The following BUB1B variants were observed in gnomAD, a reference collection of about 807,000 sequenced individuals.
The protein encoded by BUB1B is BUB1 mitotic checkpoint serine/threonine kinase B.
In BUB1B, 86 loss-of-function variants were observed where a neutral mutation model predicts 137.7. The observed-to-expected ratio is 0.62, with a 90% confidence interval of 0.52 to 0.75. The LOEUF (loss-of-function observed/expected upper bound fraction) is 0.75, where lower values mean the gene tolerates loss of function less well. BUB1B is among the 30% of genes least tolerant of loss of function. BUB1B has a pLI of 0.00. For synonymous variants in BUB1B, 420 were observed against 417.9 expected (o/e 1.00, Z -0.06); for missense variants, 1,130 against 1,236.9 (o/e 0.91, Z 1.30).
At chr15:40,205,334 A>T (rs1408127910) in intron 14 of BUB1B, among the ~76,000 whole-genome samples, 4 of 152,134 alleles carry the variant, frequency 2.6e-5, no homozygotes, top group African/African-American at 9.7e-5. Flanking sequence ...GTATGTGTCA[A>T]ATTGGTAATG....
intron 21 of BUB1B, 124 bp downstream of exon 21, chr15:40,217,791 A>G (rs2037819170): frequency 1.7e-6 from 2 of 1,174,362 alleles, no homozygotes; most frequent in African/African-American, 1.5e-5. Flanking sequence ...TAGTTTTCAA[A>G]TATCACCAAG....
At chr15:40,165,838 T>C (rs1337118108) in intron 2 of BUB1B, among the ~76,000 whole-genome samples, 1 of 151,776 alleles carries the variant, frequency 6.6e-6, no homozygotes, top group African/African-American at 2.4e-5. Flanking sequence ...ACTATTCTTA[T>C]TCATCTCTTT....
Position 40,220,844 on chromosome 15 carries a change from T to C in BUB1B, c.*85T>C. 7.1e-7 allele frequency: 1 copy of C among 1,412,436 alleles called. No homozygotes were observed. The highest frequency in any genetic ancestry group is 1.2e-5 in the South Asian group (1 of 85,934). 87.5% of individuals were successfully genotyped at this position (1,412,436 alleles called of 1,614,324 possible). ...TGAAACTGTATGTGCTGTAATTTAA[T>C]TTAGGACACATTTAGATGCACTACC... On this transcript the variant is annotated 3_prime_UTR_variant, in exon 23 of 23. Coordinates refer to ENST00000287598, the MANE Select transcript of BUB1B (RefSeq NM_001211.6).
intron 4 of BUB1B, chr15:40,174,095 C>G: frequency 3.1e-6 from 1 of 323,586 alleles, no homozygotes; most frequent in Non-Finnish European, 5.8e-6. Context: ...CTTAAGTGAT[C>G]TTATTCAGCA....
chr15:40,165,201 G>A lies in BUB1B; in HGVS notation c.179+5G>A, dbSNP rs368869250. On this transcript the variant is annotated splice_donor_5th_base_variant and intron_variant, in intron 2 of 22. Coordinates refer to ENST00000287598, the MANE Select transcript of BUB1B (RefSeq NM_001211.6). ...TACTCTTCAGCAGCAGAAACGGTGTGTAGAATGGCTGAGTCTCAACCTGTC... is the reference window on the plus strand; with the variant it reads ...TACTCTTCAGCAGCAGAAACGGTGTATAGAATGGCTGAGTCTCAACCTGTC... The A allele has an allele frequency of 3.0e-5, 48 of 1,614,080 alleles. No individual in the cohort carries two copies. The African/African-American group carries it at 6.4e-4, about 22-fold the overall frequency.
At chr15:40,167,811 T>G (rs2037118902) in intron 2 of BUB1B, among the ~76,000 whole-genome samples, 1 of 152,002 alleles carries the variant, frequency 6.6e-6, no homozygotes, top group African/African-American at 2.4e-5. Flanking sequence ...TGAATTGCGT[T>G]GGGGCCCTTT....
In BUB1B at chr15:40,206,230, C is replaced by G; in HGVS notation, c.1781C>G (p.Thr594Arg). The change falls in exon 15 of 23, where the codon ACA (threonine) becomes AGA (arginine). Residue 594 changes from threonine (T) to arginine (R), a missense_variant. Coordinates refer to ENST00000287598, the MANE Select transcript of BUB1B (RefSeq NM_001211.6). ...IEPLSEDAII[T>R]GFRNVTICPN... Reference sequence around the variant, plus strand: ...CCCTTGAGCGAGGATGCCATTATCACAGGCTTCAGAAATGTAACAATTTGT... The same window carrying G: ...CCCTTGAGCGAGGATGCCATTATCAGAGGCTTCAGAAATGTAACAATTTGT... 6.2e-7 allele frequency: 1 copy of G among 1,614,184 alleles called. No homozygotes were observed. The highest frequency in any genetic ancestry group is 8.5e-7 in the Non-Finnish European group (1 of 1,180,008).
At chr15:40,183,552 G>A (rs1206742962) in intron 5 of BUB1B, among the ~76,000 whole-genome samples, 162 bp from the exon 6 acceptor site, 2 of 152,124 alleles carry the variant, frequency 1.3e-5, no homozygotes, top group Non-Finnish European at 2.9e-5. Flanking sequence ...TGATCTTAAG[G>A]TGACTCTCTT....
chr15:40,171,556 A>G (rs34823877), intron 4 of BUB1B, among the ~76,000 whole-genome samples: 71,006 of 151,898 alleles, frequency 0.47, 17,524 homozygotes, highest in Non-Finnish European at 0.56. Context: ...CAAAAAAACA[A>G]CCAAAACAGA....
chr15:40,182,310 T>G (rs1307738157), intron 5 of BUB1B, among the ~76,000 whole-genome samples: 1 of 152,250 alleles, frequency 6.6e-6, no homozygotes, highest in African/African-American at 2.4e-5. Flanking sequence ...TTTTTCTAGT[T>G]CTTTGTGTGT....
chr15:40,187,846 G>T (rs1311359089), intron 8 of BUB1B, among the ~76,000 whole-genome samples: 1 of 152,086 alleles, frequency 6.6e-6, no homozygotes, highest in Non-Finnish European at 1.5e-5. Context: ...TGGCTACGGT[G>T]AGCTGTGACT....
At chr15:40,198,454 C>T (rs2037525605) in intron 9 of BUB1B, among the ~76,000 whole-genome samples, 1 of 152,062 alleles carries the variant, frequency 6.6e-6, no homozygotes, top group Non-Finnish European at 1.5e-5. Flanking sequence ...TAAGTTTGTA[C>T]CCTTACATAA....
Position 40,183,546 on chromosome 15 carries a change from C to T in BUB1B, c.582-168C>T, listed in dbSNP as rs544708685. On this transcript the variant is annotated intron_variant, in intron 5 of 22. Coordinates refer to ENST00000287598, the MANE Select transcript of BUB1B (RefSeq NM_001211.6). ...AATTCTAGCCAAAACTTTTCATGAT[C>T]TTAAGGTGACTCTCTTTACTTCTGA... 7.9e-5 allele frequency among the ~76,000 whole-genome samples: 12 copies of T among 152,328 alleles called. No homozygotes were observed. The East Asian group carries it at 2.1e-3, about 27-fold the overall frequency.
chr15:40,205,091 C>T (rs1179027266), intron 14 of BUB1B, among the ~76,000 whole-genome samples: 1 of 151,736 alleles, frequency 6.6e-6, no homozygotes, highest in Non-Finnish European at 1.5e-5. Context: ...GGATTACAGG[C>T]GCCCACCACC....
At chr15:40,201,046 A>G in intron 12 of BUB1B, 66 bp downstream of exon 12, 2 of 1,441,130 alleles carry the variant, frequency 1.4e-6, no homozygotes. Flanking sequence ...AATAAATGGT[A>G]AATATTTTTA....
chr15:40,213,694 C>T (rs913188617), intron 20 of BUB1B, among the ~76,000 whole-genome samples: 1 of 152,116 alleles, frequency 6.6e-6, no homozygotes, highest in Admixed American at 6.5e-5. Context: ...CACCACCACA[C>T]CTGGCTAATT....
intron 22 of BUB1B, among the ~76,000 whole-genome samples, chr15:40,219,885 C>T (rs978358841): frequency 6.6e-6 from 1 of 152,040 alleles, no homozygotes; most frequent in Non-Finnish European, 1.5e-5. Context: ...CTTTTCTCTT[C>T]ATTTAATTCA....
In BUB1B at chr15:40,220,641, T is replaced by C. The variant is rs28989185; in HGVS notation, c.3035T>C (p.Leu1012Pro). 221 of 1,614,122 alleles carry C rather than the reference T, an allele frequency of 1.4e-4. No homozygotes were observed. Among genetic ancestry groups the C allele is most frequent in the Non-Finnish European group, 1.8e-4 (217 of 1,180,044 alleles). ...AATGATGAGGCCACAGTGTCTGTTC[T>C]TGGGGAGCTTGCAGCAGAAATGAAT... ...NANDEATVSV[L>P]GELAAEMNGV... Residue 1012 changes from leucine (L) to proline (P), a missense_variant, in exon 23 of 23, where the codon CTT becomes CCT. Transcript: ENST00000287598.
chr15:40,188,054 CTT>C (rs991306580), intron 8 of BUB1B, among the ~76,000 whole-genome samples: 6 of 152,028 alleles, frequency 3.9e-5, no homozygotes, highest in Non-Finnish European at 5.9e-5. Context: ...AAATATTAAA[CTT>C]ATTATTTTTG....
Sources: allele counts gnomAD v4.1 joint callset (sites outside exome capture counted in the v4.1 genomes callset), GRCh38; gene constraint gnomAD v4.1.1; transcripts MANE v1.5; gene names NCBI Gene and HGNC (gene_info 2026-07-23, HGNC 2026-07-21).